Variants in ERBIN observed in about 807,000 individuals in gnomAD.
ERBIN encodes erbb2 interacting protein, also known as densin-180-like protein.
ERBIN carries 60 observed loss-of-function variants against 158.4 expected under a neutral mutation model. The observed-to-expected ratio is 0.38, with a 90% CI of 0.31 to 0.47. The LOEUF is 0.47. ERBIN is among the 20% of genes least tolerant of loss of function. ERBIN has a pLI of 0.99. For missense variants in ERBIN, 1,610 were observed against 1,648.0 expected (o/e 0.98, Z 0.40); for synonymous variants, 594 against 557.2 (o/e 1.07, Z -0.93).
At chr5:66,071,880 G>A (rs1761563616) in intron 21 of ERBIN, among the ~76,000 whole-genome samples, 1 of 151,700 alleles carries the variant, frequency 6.6e-6, no homozygotes, top group African/African-American at 2.4e-5. Flanking sequence ...AAAACTAAAA[G>A]GAAAAAATAA....
intron 1 of ERBIN, among the ~76,000 whole-genome samples, chr5:65,958,123 C>G (rs973119833): frequency 1.0e-5 from 1 of 97,152 alleles, no homozygotes; most frequent in East Asian, 2.9e-4. Flanking sequence ...AGAGGCGCTC[C>G]TCACTTCCCA....
intron 3 of ERBIN, 101 bp from the exon 4 acceptor site, chr5:65,994,646 T>A: frequency 1.5e-6 from 1 of 646,328 alleles, no homozygotes. Context: ...TTAGTGTAGG[T>A]TATAACTCAT....
intron 1 of ERBIN, among the ~76,000 whole-genome samples, chr5:65,935,982 C>T (rs1298809669): frequency 6.6e-6 from 1 of 152,168 alleles, no homozygotes; most frequent in Non-Finnish European, 1.5e-5. Flanking sequence ...CACCTCGAAC[C>T]TCCCAAAGTA....
At position 65,942,583 on chromosome 5, in the gene ERBIN, A is replaced by T. The variant is rs571069512; in HGVS notation, c.-58+15777A>T. ...TTGAGCCAAGAAGTTTCAGAGAAAG[A>T]TTTATCCTTAAAGTAGTGTGTAATT... On this transcript the variant is annotated intron_variant, in intron 1 of 25. Transcript: ENST00000284037. Among the ~76,000 whole-genome samples, 9 of 152,218 alleles carry T rather than the reference A, an allele frequency of 5.9e-5. No homozygotes were observed. In the East Asian group the frequency reaches 1.7e-3, roughly 29 times the overall value.
At chr5:66,066,654 T>C (rs925527496) in intron 21 of ERBIN, among the ~76,000 whole-genome samples, 6 of 152,174 alleles carry the variant, frequency 3.9e-5, no homozygotes, top group African/African-American at 1.4e-4. Context: ...ATTTCAGAGG[T>C]GAATGGTTAC....
chr5:65,935,720 G>A (rs184862433), intron 1 of ERBIN, among the ~76,000 whole-genome samples: 2 of 152,168 alleles, frequency 1.3e-5, no homozygotes, highest in Admixed American at 6.5e-5. Context: ...ATGCAGTTGT[G>A]TTTTTCTTTT....
At chr5:66,012,972 A>G (rs116110762) in intron 5 of ERBIN, among the ~76,000 whole-genome samples, 2,290 of 152,278 alleles carry the variant, frequency 0.015, 64 homozygotes, top group African/African-American at 0.051. Flanking sequence ...AGTGGTTCTC[A>G]ACTGGGGGCT....
At chr5:65,969,242 A>G (rs765109774) in intron 1 of ERBIN, among the ~76,000 whole-genome samples, 43 of 152,220 alleles carry the variant, frequency 2.8e-4, no homozygotes, top group Non-Finnish European at 5.9e-4. Flanking sequence ...GAGTATGAAT[A>G]GTATATATAA....
intron 1 of ERBIN, among the ~76,000 whole-genome samples, chr5:65,965,852 A>C (rs1053803239): frequency 1.3e-5 from 2 of 152,162 alleles, no homozygotes; most frequent in African/African-American, 4.8e-5. Flanking sequence ...TCCTTCTTGG[A>C]ATGTAAGCTC....
At chr5:66,070,442 CAG>C (rs1448707117) in intron 21 of ERBIN, among the ~76,000 whole-genome samples, 5 of 152,126 alleles carry the variant, frequency 3.3e-5, no homozygotes, top group Non-Finnish European at 7.3e-5. Context: ...TTTATTAACT[CAG>C]GGGTAATCTT....
At chr5:65,993,631 T>G (rs1334418251) in intron 3 of ERBIN, among the ~76,000 whole-genome samples, 3 of 152,180 alleles carry the variant, frequency 2.0e-5, no homozygotes, top group Admixed American at 2.0e-4. Context: ...GTTGGGATCT[T>G]TTGCCACCCA....
chr5:66,016,050 G>C (rs1754678854), intron 7 of ERBIN, among the ~76,000 whole-genome samples: 1 of 152,008 alleles, frequency 6.6e-6, no homozygotes, highest in Non-Finnish European at 1.5e-5. Context: ...TCTTCCCCTT[G>C]GTTTCCCTTG....
intron 1 of ERBIN, among the ~76,000 whole-genome samples, chr5:65,937,910 AAATAAT>A (rs1018591833): frequency 6.6e-6 from 1 of 151,976 alleles, no homozygotes; most frequent in African/African-American, 2.4e-5. Flanking sequence ...TCCCATCTCA[AAATAAT>A]AATAATAATA....
intron 4 of ERBIN, among the ~76,000 whole-genome samples, chr5:66,000,455 T>C (rs548897138): frequency 3.9e-5 from 6 of 152,252 alleles, no homozygotes; most frequent in Middle Eastern, 6.8e-3. Flanking sequence ...TAGTTTAGCA[T>C]TTTGTTGTTG....
At chr5:65,941,377 T>G (rs1455782681) in intron 1 of ERBIN, among the ~76,000 whole-genome samples, 2 of 151,784 alleles carry the variant, frequency 1.3e-5, no homozygotes, top group Admixed American at 1.3e-4. Flanking sequence ...TATGTAGCAT[T>G]TGCATTGTTT....
intron 4 of ERBIN, among the ~76,000 whole-genome samples, chr5:66,001,277 A>G (rs1361183668): frequency 6.6e-6 from 1 of 152,096 alleles, no homozygotes. Context: ...TCAGTCTAAT[A>G]TTTAAGTTTA....
chr5:65,955,197 A>G (rs1433190733), intron 1 of ERBIN, among the ~76,000 whole-genome samples: 1 of 152,218 alleles, frequency 6.6e-6, no homozygotes, highest in Non-Finnish European at 1.5e-5. Flanking sequence ...AAAGAAAATT[A>G]TGCTAGCACA....
intron 1 of ERBIN, among the ~76,000 whole-genome samples, chr5:65,936,291 T>C (rs769671079): frequency 6.6e-6 from 1 of 152,168 alleles, no homozygotes; most frequent in Non-Finnish European, 1.5e-5. Context: ...CTCTTCCTTA[T>C]AGATTTTGGA....
chr5:66,055,237 C>A (rs940265109), intron 21 of ERBIN: 2 of 432,596 alleles, frequency 4.6e-6, no homozygotes, highest in East Asian at 7.5e-5. Flanking sequence ...TAAAAATACA[C>A]GTACCTCTGT....
Sources: allele counts gnomAD v4.1 joint callset (sites outside exome capture counted in the v4.1 genomes callset), GRCh38; gene constraint gnomAD v4.1.1; transcripts MANE v1.5; gene names NCBI Gene and HGNC (gene_info 2026-07-23, HGNC 2026-07-21).